Variants in SSBP2 observed in about 807,000 individuals in gnomAD.
SSBP2 encodes single-stranded DNA-binding protein 2.
SSBP2 carries 17 observed loss-of-function variants against 61.8 expected under a neutral mutation model. The observed-to-expected ratio is 0.28, with a 90% CI of 0.19 to 0.41. The LOEUF is 0.41. SSBP2 is among the 10% of genes least tolerant of loss of function. The pLI is 1.00. For missense variants in SSBP2, 310 were observed against 458.7 expected (o/e 0.68, Z 2.96); for synonymous variants, 139 against 141.3 (o/e 0.98, Z 0.12).
Position 81,736,224 on chromosome 5 carries a change from CTA to C in SSBP2, c.62+14755_62+14756del, listed in dbSNP as rs1224184354. Among the ~76,000 whole-genome samples, 23 of 151,592 alleles carry C rather than the reference CTA, an allele frequency of 1.5e-4. No homozygotes were observed. In the East Asian group the frequency reaches 4.5e-3, roughly 29 times the overall value. ...CTACTGAATTTTTTGCTTCTAGAAA[CTA>C]TCACAGCCTCACTGGACTTCTTCCA... On this transcript the variant is annotated intron_variant, in intron 1 of 16. Transcript: ENST00000320672.
intron 1 of SSBP2, among the ~76,000 whole-genome samples, chr5:81,681,519 CAAAA>C (rs35721340): frequency 1.9e-5 from 2 of 107,074 alleles, no homozygotes; most frequent in Non-Finnish European, 2.0e-5. Flanking sequence ...GGCTCCACCT[CAAAA>C]AAAAAAAAAA....
intron 12 of SSBP2, among the ~76,000 whole-genome samples, chr5:81,444,576 A>G (rs537078648): frequency 2.0e-5 from 3 of 152,324 alleles, no homozygotes; most frequent in South Asian, 4.1e-4. Flanking sequence ...ACTAAAGACA[A>G]TAAGTACTGC....
intron 1 of SSBP2, among the ~76,000 whole-genome samples, chr5:81,706,044 C>T (rs1233306333): frequency 6.6e-6 from 1 of 152,172 alleles, no homozygotes; most frequent in Non-Finnish European, 1.5e-5. Context: ...CACCTGCACT[C>T]ATACGCTGAT....
At chr5:81,721,092 A>C (rs1175143274) in intron 1 of SSBP2, among the ~76,000 whole-genome samples, 1 of 152,160 alleles carries the variant, frequency 6.6e-6, no homozygotes, top group East Asian at 1.9e-4. Flanking sequence ...GATTTTTATA[A>C]AGAGCCACAA....
At chr5:81,427,346 C>A (rs565053931) in intron 16 of SSBP2, among the ~76,000 whole-genome samples, 79 of 152,070 alleles carry the variant, frequency 5.2e-4, no homozygotes, top group Admixed American at 5.0e-3. Flanking sequence ...TAAACTGTTA[C>A]ACATAAAAAA....
intron 4 of SSBP2, 96 bp from the exon 5 acceptor site, chr5:81,513,813 C>T: frequency 1.4e-6 from 1 of 725,608 alleles, no homozygotes; most frequent in South Asian, 1.8e-5. Flanking sequence ...GATGCTCTTT[C>T]ATGCCTGGGA....
rs529992789 is a variant in SSBP2, at chr5:81,623,179, TA to T, written c.198-7623del. 2.1e-4 allele frequency among the ~76,000 whole-genome samples: 32 copies of T among 152,308 alleles called. No individual in the cohort carries two copies. The South Asian group carries it at 6.6e-3, about 32-fold the overall frequency. On this transcript the variant is annotated intron_variant, in intron 3 of 16. Transcript: ENST00000320672. ...GTTTTGTAATGTAGTCTTTAAACTG[TA>T]TTTAATCAAAGAATATTACATGCAG...
intron 4 of SSBP2, among the ~76,000 whole-genome samples, chr5:81,594,071 A>C (rs1469251585): frequency 6.6e-6 from 1 of 152,140 alleles, no homozygotes; most frequent in African/African-American, 2.4e-5. Context: ...GTCAACACCC[A>C]TCAGTGTGCT....
chr5:81,598,919 G>C (rs1205844476), intron 4 of SSBP2, among the ~76,000 whole-genome samples: 1 of 152,096 alleles, frequency 6.6e-6, no homozygotes, highest in African/African-American at 2.4e-5. Flanking sequence ...ACCCCACTTT[G>C]ATTCTTAATT....
chr5:81,735,583 C>T (rs991296927), intron 1 of SSBP2, among the ~76,000 whole-genome samples: 24 of 152,152 alleles, frequency 1.6e-4, no homozygotes, highest in African/African-American at 5.8e-4. Context: ...GAAGAAAAAT[C>T]TACACTGATC....
At chr5:81,607,527 G>A (rs1177622255) in intron 4 of SSBP2, among the ~76,000 whole-genome samples, 1 of 152,058 alleles carries the variant, frequency 6.6e-6, no homozygotes, top group East Asian at 1.9e-4. Context: ...CTCTTAACTG[G>A]TAATTCAATA....
chr5:81,425,814 T>C (rs1007004414), intron 16 of SSBP2, among the ~76,000 whole-genome samples: 1 of 152,198 alleles, frequency 6.6e-6, no homozygotes, highest in African/African-American at 2.4e-5. Flanking sequence ...GACTTTGGGC[T>C]GGGCATTTTT....
At chr5:81,607,012 T>C (rs946796947) in intron 4 of SSBP2, among the ~76,000 whole-genome samples, 2 of 152,208 alleles carry the variant, frequency 1.3e-5, no homozygotes, top group Admixed American at 1.3e-4. Flanking sequence ...AATATCCCCA[T>C]AGTTTCTAAT....
At chr5:81,519,292 A>G (rs1043615104) in intron 4 of SSBP2, among the ~76,000 whole-genome samples, 12 of 152,124 alleles carry the variant, frequency 7.9e-5, no homozygotes, top group African/African-American at 2.7e-4. Flanking sequence ...CTTTTCTTCA[A>G]TTTGGTTCAT....
rs1234974482 is a variant in SSBP2 at position 81,736,562 on chromosome 5, T to C, written c.62+14419A>G. Among the ~76,000 whole-genome samples, 5 of 152,336 alleles carry C rather than the reference T, an allele frequency of 3.3e-5. No homozygotes were observed. The East Asian group carries it at 9.6e-4, about 29-fold the overall frequency. ...TTAAATATCAAAATTTGTATATGCA[T>C]GTATGGATATTAAAAAGTCTAAAAG... On this transcript the variant is annotated intron_variant, in intron 1 of 16. Transcript: ENST00000320672.
At chr5:81,478,115 A>G (rs1765713156) in intron 6 of SSBP2, among the ~76,000 whole-genome samples, 1 of 152,098 alleles carries the variant, frequency 6.6e-6, no homozygotes, top group Non-Finnish European at 1.5e-5. Context: ...ACTAATTGAT[A>G]TTATATTCAA....
At chr5:81,750,914 G>C in intron 1 of SSBP2, 67 bp downstream of exon 1, 4 of 1,507,444 alleles carry the variant, frequency 2.7e-6, no homozygotes, top group Admixed American at 3.9e-5. Flanking sequence ...CTCCCAGAGT[G>C]TGCGAGTGCG....
chr5:81,734,714 G>C (rs967560058), intron 1 of SSBP2, among the ~76,000 whole-genome samples: 3 of 152,166 alleles, frequency 2.0e-5, no homozygotes, highest in Non-Finnish European at 2.9e-5. Context: ...GCTCACGCCT[G>C]TAATGCCATC....
At chr5:81,510,830 T>C (rs1403656026) in intron 5 of SSBP2, among the ~76,000 whole-genome samples, 1 of 152,186 alleles carries the variant, frequency 6.6e-6, no homozygotes, top group African/African-American at 2.4e-5. Context: ...TCAGACTTGT[T>C]CCTCTGCAAT....
Sources: gnomAD v4.1 joint callset for allele counts (sites outside exome capture counted in the v4.1 genomes callset) on GRCh38, gnomAD v4.1.1 for gene constraint, MANE v1.5 for transcripts, NCBI Gene and HGNC (gene_info 2026-07-23, HGNC 2026-07-21) for gene names.